Variants in HECTD4 observed in about 807,000 individuals in gnomAD.
HECTD4 encodes the protein HECT domain E3 ubiquitin protein ligase 4.
In HECTD4, 114 loss-of-function variants were observed where a neutral mutation model predicts 471.5. That is an observed-to-expected ratio of 0.24 (90% CI 0.21 to 0.28). HECTD4 has a LOEUF of 0.28. Among genes scored for constraint, HECTD4 ranks in the 10% least tolerant of loss-of-function variants. HECTD4 has a pLI of 1.00. For missense variants in HECTD4, 3,866 were observed against 5,651.5 expected (o/e 0.68, Z 10.13); for synonymous variants, 2,012 against 2,256.0 (o/e 0.89, Z 3.07).
At chr12:112,366,066 G>A (rs567584671) in intron 1 of HECTD4, among the ~76,000 whole-genome samples, 313 of 152,098 alleles carry the variant, frequency 2.1e-3, no homozygotes, top group Non-Finnish European at 3.6e-3. Flanking sequence ...AACAGTTACC[G>A]TTTGAGGTTA....
At chr12:112,170,810 A>G in intron 68 of HECTD4, 1 of 452,794 alleles carries the variant, frequency 2.2e-6, no homozygotes, top group Non-Finnish European at 3.9e-6. Context: ...TCTGTTAACA[A>G]TGTCACTTCT....
intron 3 of HECTD4, among the ~76,000 whole-genome samples, chr12:112,313,503 T>C (rs2135691915): frequency 6.8e-6 from 1 of 147,464 alleles, no homozygotes; most frequent in South Asian, 2.2e-4. Context: ...TTTTTTTTTT[T>C]TTGAGACAGA....
chr12:112,193,296 C>A lies in HECTD4; in HGVS notation c.8956-105G>T. 1 of 1,452,494 alleles carries A rather than the reference C, an allele frequency of 6.9e-7. No homozygotes were observed. 90.0% of individuals were successfully genotyped at this position (1,452,494 alleles called of 1,614,324 possible). A position where few individuals can be genotyped will look rare whatever the true frequency, so the allele number is the denominator to read the frequency against. ...GGAAATCAGCCAAACGACTAAATAG[C>A]CCTCTGGAAGGAAGCAAGCTACAGA... On this transcript the variant is annotated intron_variant, in intron 57 of 75. Transcript: ENST00000682272. This position sits in a 1 kb window ranked among gnomAD's most constrained non-coding sequence, Gnocchi z 5.2.
rs2032661942 is a variant in HECTD4 at position 112,208,499 on chromosome 12, G to A, written c.7999C>T (p.Pro2667Ser). 2 of 1,590,118 alleles carry A rather than the reference G, an allele frequency of 1.3e-6. No homozygotes were observed. The highest frequency in any genetic ancestry group is 2.7e-5 in the African/African-American group (2 of 74,014). The change falls in exon 51 of 76, where the codon CCT (proline) becomes TCT (serine). Residue 2667 changes from proline (P) to serine (S), a missense_variant. By Grantham distance (74) the Pro-to-Ser change is moderately conservative. Coordinates refer to ENST00000682272, the MANE Select transcript of HECTD4 (RefSeq NM_001388303.1). Reference sequence around the variant, plus strand: ...TAAGCCTGTGGGTCTCTTACCTGAGGGATGTCATCATCGTCATCATCATCG... The same window carrying A: ...TAAGCCTGTGGGTCTCTTACCTGAGAGATGTCATCATCGTCATCATCATCG... Reference protein sequence around the residue: ...ESDDDDDDDIPQEDHYALLVK... With the variant: ...ESDDDDDDDISQEDHYALLVK...
intron 4 of HECTD4, among the ~76,000 whole-genome samples, chr12:112,312,453 C>T (rs2035391882): frequency 1.3e-5 from 2 of 152,082 alleles, no homozygotes; most frequent in Non-Finnish European, 2.9e-5. Context: ...ATCCCATCTG[C>T]CAAGTCAGTT....
intron 29 of HECTD4, among the ~76,000 whole-genome samples, chr12:112,245,747 ATGCTTG>A (rs1461330251): frequency 6.6e-6 from 1 of 152,254 alleles, no homozygotes; most frequent in Non-Finnish European, 1.5e-5. Flanking sequence ...TTAAGAATGA[ATGCTTG>A]TGGGCTGTGC....
rs531704149 is a variant in HECTD4, at chr12:112,279,245, C to A, written c.1670G>T (p.Gly557Val). Residue 557 changes from glycine to valine, a missense_variant, in exon 9 of 76, where the codon GGT becomes GTT. Gly to Val is a moderately radical substitution (Grantham distance 109, BLOSUM62 -3). Around this residue, in one of 16 missense-constraint regions of HECTD4, gnomAD observed 525 missense variants for 672.6 expected, o/e 0.78. Transcript: ENST00000682272. ...TCACTTACTTTTTAAAGATGACAAA[C>A]CACTTGTTCCACCAAAAAGAGATCG... ...ATRSLFGGTS[G>V]LSSLKILASS... 1.2e-6 allele frequency: 2 copies of A among 1,608,732 alleles called. No individual in the cohort carries two copies. The highest frequency in any genetic ancestry group is 2.7e-5 in the African/African-American group (2 of 74,756).
chr12:112,353,313 A>AT (rs2036278878), intron 1 of HECTD4, among the ~76,000 whole-genome samples: 2 of 152,230 alleles, frequency 1.3e-5, no homozygotes, highest in Non-Finnish European at 1.5e-5. Flanking sequence ...GCTAATGGAT[A>AT]TTTTATCAAA....
intron 44 of HECTD4, among the ~76,000 whole-genome samples, chr12:112,224,189 T>C (rs2033168719): frequency 6.6e-6 from 1 of 152,094 alleles, no homozygotes; most frequent in Non-Finnish European, 1.5e-5. Context: ...CTAACTGACA[T>C]AGGAGTCAGT....
chr12:112,312,972 A>T (rs1196387871), intron 4 of HECTD4, 45 bp downstream of exon 4: 1 of 1,507,102 alleles, frequency 6.6e-7, no homozygotes, highest in East Asian at 2.5e-5. Flanking sequence ...AAACCTCTTT[A>T]TTTACATCTT....
At position 112,177,375 on chromosome 12, in the gene HECTD4, C is replaced by CTTTTTTTTTTTTTTTTTTTTT. The variant is rs1170542769; in HGVS notation, c.11364-674_11364-673insAAAAAAAAAAAAAAAAAAAAA. ...TATCCATACATGGAATGTTATGAGG[C>CTTTTTTTTTTTTTTTTTTTTT]TATTTTTTTTTTTTTTTTTTTTGAG... On this transcript the variant is annotated intron_variant, in intron 64 of 75. Coordinates refer to ENST00000682272, the MANE Select transcript of HECTD4 (RefSeq NM_001388303.1). Among the ~76,000 whole-genome samples the CTTTTTTTTTTTTTTTTTTTTT allele has an allele frequency of 2.8e-5, 4 of 143,466 alleles. 1 individual carries two copies. Among genetic ancestry groups the CTTTTTTTTTTTTTTTTTTTTT allele is most frequent in the African/African-American group, 1.1e-4 (4 of 37,312 alleles). The allele number at this position is 143,466 out of a possible 152,430, so 94.1% of individuals were successfully genotyped here. A position where few individuals can be genotyped will look rare whatever the true frequency, so the allele number is the denominator to read the frequency against.
intron 1 of HECTD4, among the ~76,000 whole-genome samples, chr12:112,369,202 A>G (rs1395038304): frequency 1.3e-5 from 2 of 152,196 alleles, no homozygotes; most frequent in Non-Finnish European, 2.9e-5. Context: ...AACTCATAAG[A>G]GCTGGATGGC....
chr12:112,227,474 T>C (rs1401733463), intron 43 of HECTD4, among the ~76,000 whole-genome samples: 1 of 151,630 alleles, frequency 6.6e-6, no homozygotes, highest in Non-Finnish European at 1.5e-5. Flanking sequence ...AAAAAAGAAG[T>C]TTCATTGTCA....
rs559673897 is a variant in HECTD4, at chr12:112,215,696, G to A, written c.7465+596C>T. Among the ~76,000 whole-genome samples the A allele has an allele frequency of 1.1e-3, 168 of 152,276 alleles. 2 individuals carry two copies. The highest frequency in any genetic ancestry group is 3.8e-3 in the African/African-American group (158 of 41,560). On this transcript the variant is annotated intron_variant, in intron 48 of 75. Transcript: ENST00000682272. ...ACTCTGTCACCCAGGCTGGAGTGTAGTGGTATGATCACAACTCACTGCAGC... is the reference window on the plus strand; with the variant it reads ...ACTCTGTCACCCAGGCTGGAGTGTAATGGTATGATCACAACTCACTGCAGC...
At chr12:112,229,201 C>T (rs777931598) in intron 41 of HECTD4, among the ~76,000 whole-genome samples, 2 of 152,088 alleles carry the variant, frequency 1.3e-5, no homozygotes, top group African/African-American at 2.4e-5. Flanking sequence ...GTGGTGGGCA[C>T]CTGTAATCCC....
At chr12:112,309,743 G>T in intron 4 of HECTD4, 74 bp from the exon 5 acceptor site, 1 of 710,134 alleles carries the variant, frequency 1.4e-6, no homozygotes, top group Non-Finnish European at 2.3e-6. Flanking sequence ...TTTTTCTAAT[G>T]AAAAAGCCAT....
At chr12:112,250,505 C>T in intron 24 of HECTD4, 128 bp from the exon 25 acceptor site, 1 of 683,428 alleles carries the variant, frequency 1.5e-6, no homozygotes, top group East Asian at 2.7e-5. Context: ...CTCATCAAAC[C>T]TTCTCCAGAA....
At chr12:112,355,084 C>G (rs2036310202) in intron 1 of HECTD4, among the ~76,000 whole-genome samples, 1 of 150,876 alleles carries the variant, frequency 6.6e-6, no homozygotes. Context: ...GGGTTCAAGC[C>G]ATTCTCCTGC....
chr12:112,276,689 C>T (rs549852461), intron 9 of HECTD4, among the ~76,000 whole-genome samples: 1 of 152,344 alleles, frequency 6.6e-6, no homozygotes, highest in African/African-American at 2.4e-5. Flanking sequence ...TCATGATCTG[C>T]CCGCCACAGC....
Sources: allele counts gnomAD v4.1 joint callset (sites outside exome capture counted in the v4.1 genomes callset), GRCh38; gene constraint gnomAD v4.1.1; regional missense constraint gnomAD v4.1.1; non-coding constraint Gnocchi (gnomAD v3.1); transcripts MANE v1.5; gene names NCBI Gene and HGNC (gene_info 2026-07-23, HGNC 2026-07-21).